The following OR1I1 variants were observed in gnomAD, a reference collection of about 807,000 sequenced individuals.
The protein encoded by OR1I1 is olfactory receptor 1I1.
For synonymous variants in OR1I1, 171 were observed against 181.4 expected (o/e 0.94, Z 0.46); for missense variants, 451 against 443.6 (o/e 1.02, Z -0.15).
chr19:15,087,753 T>A lies in OR1I1; in HGVS notation c.688T>A (p.Ser230Thr), dbSNP rs767850373. The change falls in exon 2 of 2, where the codon TCT (serine) becomes ACT (threonine). Residue 230 changes from serine to threonine, a missense_variant. By Grantham distance (58) the Ser-to-Thr change is moderately conservative. Coordinates refer to ENST00000641398, the MANE Select transcript of OR1I1 (RefSeq NM_001004713.2). ...RIFWTVFKIP[S>T]TRGKWKAFST... ...TTTCTGGACAGTCTTTAAGATCCCT[T>A]CTACTCGGGGCAAGTGGAAAGCCTT... The A allele has an allele frequency of 5.6e-6, 9 of 1,614,118 alleles. No homozygotes were observed. The East Asian group carries it at 2.0e-4, about 36-fold the overall frequency.
intron 1 of OR1I1, among the ~76,000 whole-genome samples, chr19:15,085,359 G>A (rs922482938): frequency 2.6e-5 from 4 of 151,032 alleles, no homozygotes; most frequent in Non-Finnish European, 2.9e-5. Flanking sequence ...CAGTAGAGAC[G>A]GGGCTTCACC....
At chr19:15,082,528 C>G (rs148567997) in intron 1 of OR1I1, among the ~76,000 whole-genome samples, 505 of 152,160 alleles carry the variant, frequency 3.3e-3, no homozygotes, top group African/African-American at 0.012. Context: ...GGACAAAGCA[C>G]GCAGACGGCA....
At chr19:15,085,176 A>ATATATATTTTTTT (rs1555717400) in intron 1 of OR1I1, among the ~76,000 whole-genome samples, 1 of 80,138 alleles carries the variant, frequency 1.2e-5, no homozygotes, top group Admixed American at 1.8e-4. Context: ...ATATATATAT[A>ATATATATTTTTTT]TTTTTTTTTT....
chr19:15,086,547 G>A (rs2046230801), intron 1 of OR1I1, among the ~76,000 whole-genome samples: 2 of 151,596 alleles, frequency 1.3e-5, no homozygotes, highest in East Asian at 3.9e-4. Flanking sequence ...TTTGCCTCCC[G>A]GGTTCAAGCT....
chr19:15,091,119 C>T lies in OR1I1; in HGVS notation c.*2986C>T, dbSNP rs2046254746. On this transcript the variant is annotated 3_prime_UTR_variant, in exon 2 of 2. Coordinates refer to ENST00000641398, the MANE Select transcript of OR1I1 (RefSeq NM_001004713.2). ...AGCATGATGACAATAATGATGATGACAACCGAGATTTATTATCTGAACAAT... is the reference window on the plus strand; with the variant it reads ...AGCATGATGACAATAATGATGATGATAACCGAGATTTATTATCTGAACAAT... The T allele has an allele frequency of 6.6e-6, 1 of 152,202 alleles. No homozygotes were observed. Among genetic ancestry groups the T allele is most frequent in the South Asian group, 2.1e-4 (1 of 4,830 alleles). The allele number at this position is 152,202 out of a possible 1,614,324, so 9.4% of individuals were successfully genotyped here.
chr19:15,086,966 G>A (rs2046232079), intron 1 of OR1I1, 87 bp from the exon 2 acceptor site: 1 of 1,483,950 alleles, frequency 6.7e-7, no homozygotes, highest in Non-Finnish European at 8.9e-7. Context: ...TCACAGAACA[G>A]TATAGGTTTC....
intron 1 of OR1I1, among the ~76,000 whole-genome samples, chr19:15,085,176 A>ATTTTTTTTTTTT (rs757508009): frequency 1.2e-5 from 1 of 80,128 alleles, no homozygotes; most frequent in African/African-American, 4.6e-5. Flanking sequence ...ATATATATAT[A>ATTTTTTTTTTTT]TTTTTTTTTT....
rs1419927784 is a variant in OR1I1 at position 15,088,165 on chromosome 19, TAA to T, written c.*34_*35del. The T allele has an allele frequency of 2.0e-6, 3 of 1,515,208 alleles. No homozygotes were observed. The highest frequency in any genetic ancestry group is 2.7e-6 in the Non-Finnish European group (3 of 1,127,572). 93.9% of individuals were successfully genotyped at this position (1,515,208 alleles called of 1,614,324 possible). ...CCAGTACAACGTGATAAATGTGTCA[TAA>T]AGAGATGAACAAAGTGTATGAGCAC... is the stretch of plus-strand genomic sequence containing the variant. On this transcript the variant is annotated 3_prime_UTR_variant, in exon 2 of 2. Coordinates refer to ENST00000641398, the MANE Select transcript of OR1I1 (RefSeq NM_001004713.2).
chr19:15,085,899 T>C (rs373923564), intron 1 of OR1I1, among the ~76,000 whole-genome samples: 1 of 152,318 alleles, frequency 6.6e-6, no homozygotes, highest in South Asian at 2.1e-4. Flanking sequence ...TAGTATTCCA[T>C]TGTATATTCC....
chr19:15,087,625 T>G lies in OR1I1; in HGVS notation c.560T>G (p.Leu187Arg), dbSNP rs765407826. ...TGTGACCTCATGCCCCTGCTGAAGC[T>G]CTCCGGCTCAGACACGCACACCAAC... is the stretch of plus-strand genomic sequence containing the variant. ...FFCDLMPLLK[L>R]SGSDTHTNEL... is the part of the protein sequence containing the mutation. The change falls in exon 2 of 2, where the codon CTC (leucine) becomes CGC (arginine). Residue 187 changes from leucine (L) to arginine (R), a missense_variant. Physicochemically the swap from Leu to Arg is moderately radical, Grantham distance 102. Transcript: ENST00000641398. 1.1e-4 allele frequency: 185 copies of G among 1,614,022 alleles called. 1 individual carries two copies. The highest frequency in any genetic ancestry group is 1.5e-4 in the Non-Finnish European group (181 of 1,180,040).
At chr19:15,084,733 T>C (rs1303955531) in intron 1 of OR1I1, among the ~76,000 whole-genome samples, 3 of 151,320 alleles carry the variant, frequency 2.0e-5, no homozygotes, top group Non-Finnish European at 2.9e-5. Context: ...AATAAAATGA[T>C]AAAATTAAAT....
rs574602772 is a variant in OR1I1, at chr19:15,086,287, C to A, written c.-13-766C>A. Among the ~76,000 whole-genome samples, 4 of 152,018 alleles carry A rather than the reference C, an allele frequency of 2.6e-5. No individual in the cohort carries two copies. In the South Asian group the frequency reaches 8.4e-4, roughly 32 times the overall value. On this transcript the variant is annotated intron_variant, in intron 1 of 1. Coordinates refer to ENST00000641398, the MANE Select transcript of OR1I1 (RefSeq NM_001004713.2). ...TGAGATCGTGCCACTGAACTCCAGC[C>A]TGGGTGACAGAGCAAGACTCTGTCT...
Position 15,087,483 on chromosome 19 carries a change from G to T in OR1I1, c.418G>T (p.Val140Phe), listed in dbSNP as rs748922916. The change falls in exon 2 of 2, where the codon GTC becomes TTC. Residue 140 changes from valine to phenylalanine, a missense_variant. Coordinates refer to ENST00000641398, the MANE Select transcript of OR1I1 (RefSeq NM_001004713.2). Reference sequence around the variant, plus strand: ...TTACTTGGTTCTCATGTGCTCCCCTGTCTGTGGGCTGCTGCTGGGAGCATC... The same window carrying T: ...TTACTTGGTTCTCATGTGCTCCCCTTTCTGTGGGCTGCTGCTGGGAGCATC... ...QRYLVLMCSP[V>F]CGLLLGASWM... 1 of 1,614,116 alleles carries T rather than the reference G, an allele frequency of 6.2e-7. No homozygotes were observed. Among genetic ancestry groups the T allele is most frequent in the South Asian group, 1.1e-5 (1 of 91,080 alleles).
At position 15,088,565 on chromosome 19, in the gene OR1I1, C is replaced by A; in HGVS notation, c.*432C>A. On this transcript the variant is annotated 3_prime_UTR_variant, in exon 2 of 2. Coordinates refer to ENST00000641398, the MANE Select transcript of OR1I1 (RefSeq NM_001004713.2). ...CAGCTAATCAGGAGGCTGAGGCAGG[C>A]AGATCATTTGAGCCCAGGAGTTCAA... 5.5e-6 allele frequency: 1 copy of A among 181,016 alleles called. No individual in the cohort carries two copies. Among genetic ancestry groups the A allele is most frequent in the Non-Finnish European group, 1.2e-5 (1 of 86,916 alleles). The allele number at this position is 181,016 out of a possible 1,614,324, so 11.2% of individuals were successfully genotyped here.
At position 15,083,517 on chromosome 19, in the gene OR1I1, G is replaced by A. The variant is rs945147316; in HGVS notation, c.-14+1241G>A. 2.0e-5 allele frequency among the ~76,000 whole-genome samples: 3 copies of A among 152,322 alleles called. No homozygotes were observed. In the South Asian group the frequency reaches 6.2e-4, roughly 32 times the overall value. ...TGTTACAAATATGTTGCCAGGAAGGGAATCGCAGTATTCTATCCAGCCTAG... is the reference window on the plus strand; with the variant it reads ...TGTTACAAATATGTTGCCAGGAAGGAAATCGCAGTATTCTATCCAGCCTAG... On this transcript the variant is annotated intron_variant, in intron 1 of 1. Transcript: ENST00000641398.
Position 15,089,956 on chromosome 19 carries a change from T to C in OR1I1, c.*1823T>C, listed in dbSNP as rs965452974. 1 of 152,098 alleles carries C rather than the reference T, an allele frequency of 6.6e-6. No homozygotes were observed. The highest frequency in any genetic ancestry group is 1.5e-5 in the Non-Finnish European group (1 of 68,038). 9.4% of individuals were successfully genotyped at this position (152,098 alleles called of 1,614,324 possible). A position where few individuals can be genotyped will look rare whatever the true frequency, so the allele number is the denominator to read the frequency against. On this transcript the variant is annotated 3_prime_UTR_variant, in exon 2 of 2. Transcript: ENST00000641398. ...GGTCATTAGATTACAGTAAGGTCAT[T>C]AGGTTGGTCCCTAATCTGATACGAC...
intron 1 of OR1I1, among the ~76,000 whole-genome samples, chr19:15,085,429 C>G (rs1314231514): frequency 6.6e-6 from 1 of 151,730 alleles, no homozygotes; most frequent in Non-Finnish European, 1.5e-5. Context: ...GCCTCGGCCT[C>G]CCAAAGTGCT....
chr19:15,088,832 GATAC>G lies in OR1I1; in HGVS notation c.*703_*706del, dbSNP rs1025832561. 3 of 150,740 alleles carry G rather than the reference GATAC, an allele frequency of 2.0e-5. No individual in the cohort carries two copies. Among genetic ancestry groups the G allele is most frequent in the Non-Finnish European group, 4.4e-5 (3 of 67,664 alleles). The allele number at this position is 150,740 out of a possible 1,614,324, so 9.3% of individuals were successfully genotyped here. ...AGATAGATAGATAGATATACAGATA[GATAC>G]ATAGATAGATAGGATAGATAGGTAG... On this transcript the variant is annotated 3_prime_UTR_variant, in exon 2 of 2. Transcript: ENST00000641398.
chr19:15,085,176 A>ATATATATTTT (rs1555717400), intron 1 of OR1I1, among the ~76,000 whole-genome samples: 1 of 80,128 alleles, frequency 1.2e-5, no homozygotes, highest in African/African-American at 4.6e-5. Flanking sequence ...ATATATATAT[A>ATATATATTTT]TTTTTTTTTT....
Sources: gnomAD v4.1 joint callset for allele counts (sites outside exome capture counted in the v4.1 genomes callset) on GRCh38, gnomAD v4.1.1 for gene constraint, MANE v1.5 for transcripts, NCBI Gene and HGNC (gene_info 2026-07-23, HGNC 2026-07-21) for gene names.